Variants in BLNK observed in about 807,000 individuals in gnomAD.
BLNK encodes the protein B cell linker.
In BLNK, 29 loss-of-function variants were observed where a neutral mutation model predicts 73.5. The ratio of observed to expected loss-of-function variants is 0.39; its 90% CI spans 0.29 to 0.54. BLNK has a LOEUF of 0.54. Ranked by LOEUF, BLNK falls within the 20% of genes least tolerant of loss-of-function variation. The pLI is 0.61. For missense variants in BLNK, 460 were observed against 562.8 expected (o/e 0.82, Z 1.85); for synonymous variants, 176 against 200.8 (o/e 0.88, Z 1.04).
At chr10:96,245,075 C>T (rs1591352258) in intron 2 of BLNK, among the ~76,000 whole-genome samples, 1 of 151,988 alleles carries the variant, frequency 6.6e-6, no homozygotes, top group Admixed American at 6.6e-5. Context: ...ACCTCTCCCA[C>T]TCATCAGACA....
chr10:96,208,449 C>G (rs969185565), intron 9 of BLNK, among the ~76,000 whole-genome samples: 1 of 152,078 alleles, frequency 6.6e-6, no homozygotes, highest in African/African-American at 2.4e-5. Context: ...CAGAGAGATC[C>G]GAAACCAAAA....
At chr10:96,235,951 C>G (rs1842673874) in intron 3 of BLNK, among the ~76,000 whole-genome samples, 1 of 151,870 alleles carries the variant, frequency 6.6e-6, no homozygotes, top group African/African-American at 2.4e-5. Flanking sequence ...GCTCCAGTGA[C>G]AAGCTGAGAT....
rs587635658 is a variant in BLNK, at chr10:96,191,020, C to A, written c.*953G>T. On this transcript the variant is annotated 3_prime_UTR_variant, in exon 17 of 17. Transcript: ENST00000224337. ...TAATCCCCACGTGCCATGGGAGGGA[C>A]CTGGTGGGAGGTAACTGAATCACGC... Among the ~76,000 whole-genome samples the A allele has an allele frequency of 4.4e-4, 67 of 152,196 alleles. No individual in the cohort carries two copies. Among genetic ancestry groups the A allele is most frequent in the Admixed American group, 1.5e-3 (23 of 15,280 alleles).
At position 96,204,256 on chromosome 10, in the gene BLNK, G is replaced by A. The variant is rs1591303433; in HGVS notation, c.903-168C>T. On this transcript the variant is annotated intron_variant, in intron 12 of 16. Transcript: ENST00000224337. ...AGAGCCACCAAAACCTTAAAGATAA[G>A]TAAGACTCTTCCTTTTAGTTTTGAA... 7 of 796,480 alleles carry A rather than the reference G, an allele frequency of 8.8e-6. No homozygotes were observed. The East Asian group carries it at 1.7e-4, about 20-fold the overall frequency. The allele number at this position is 796,480 out of a possible 1,614,324, so 49.3% of individuals were successfully genotyped here.
intron 1 of BLNK, among the ~76,000 whole-genome samples, chr10:96,256,992 C>T (rs1245835028): frequency 3.3e-5 from 5 of 151,896 alleles, no homozygotes; most frequent in African/African-American, 7.3e-5. Flanking sequence ...CTTTCTCTCT[C>T]TCTTTGACTC....
At chr10:96,230,462 G>T (rs990442636) in intron 4 of BLNK, among the ~76,000 whole-genome samples, 6 of 152,164 alleles carry the variant, frequency 3.9e-5, no homozygotes, top group Non-Finnish European at 8.8e-5. Flanking sequence ...TAGGGCAGAG[G>T]CATTTGCTAA....
intron 4 of BLNK, among the ~76,000 whole-genome samples, chr10:96,230,157 C>G (rs1224375846): frequency 1.3e-5 from 2 of 152,168 alleles, no homozygotes; most frequent in Non-Finnish European, 2.9e-5. Context: ...CATTTCAGAG[C>G]TACCTCAAAG....
At chr10:96,233,797 A>C (rs973339456) in intron 3 of BLNK, among the ~76,000 whole-genome samples, 1 of 152,192 alleles carries the variant, frequency 6.6e-6, no homozygotes, top group Non-Finnish European at 1.5e-5. Context: ...CTCTGTACTG[A>C]AAATAAGGCC....
At chr10:96,265,019 T>C (rs991964883) in intron 1 of BLNK, among the ~76,000 whole-genome samples, 20 of 152,108 alleles carry the variant, frequency 1.3e-4, no homozygotes, top group Non-Finnish European at 2.4e-4. Flanking sequence ...TGGAGTGCAG[T>C]GGCATGATCT....
intron 5 of BLNK, among the ~76,000 whole-genome samples, chr10:96,225,937 G>A (rs1225920417): frequency 6.6e-6 from 1 of 152,164 alleles, no homozygotes; most frequent in Non-Finnish European, 1.5e-5. Flanking sequence ...GAGCCACCGC[G>A]CTTGGCCAAG....
chr10:96,214,123 A>T (rs1564823339), intron 8 of BLNK, among the ~76,000 whole-genome samples: 1 of 152,014 alleles, frequency 6.6e-6, no homozygotes, highest in East Asian at 1.9e-4. Flanking sequence ...GAGAGAAGAG[A>T]GTGTGTGTGT....
chr10:96,239,393 A>T (rs1425521489), intron 3 of BLNK, among the ~76,000 whole-genome samples: 3 of 152,248 alleles, frequency 2.0e-5, no homozygotes, highest in Non-Finnish European at 4.4e-5. Flanking sequence ...GCCCAAGATT[A>T]CACAGCCAGT....
intron 1 of BLNK, among the ~76,000 whole-genome samples, chr10:96,266,828 G>A (rs114407063): frequency 3.9e-5 from 6 of 152,206 alleles, no homozygotes; most frequent in African/African-American, 1.2e-4. Flanking sequence ...ATGCCACTCA[G>A]CTTGGGTGGT....
intron 2 of BLNK, among the ~76,000 whole-genome samples, chr10:96,243,172 A>T (rs1842932879): frequency 6.6e-6 from 1 of 152,030 alleles, no homozygotes; most frequent in Admixed American, 6.5e-5. Flanking sequence ...AATGACTTAC[A>T]AATGTTTAAC....
chr10:96,231,332 C>T (rs1201362238), intron 3 of BLNK, among the ~76,000 whole-genome samples: 1 of 152,188 alleles, frequency 6.6e-6, no homozygotes, highest in Admixed American at 6.5e-5. Context: ...CTAACTTTGA[C>T]TTTTCTTGTT....
chr10:96,248,105 A>ACT (rs1843125986), intron 1 of BLNK, among the ~76,000 whole-genome samples: 1 of 152,238 alleles, frequency 6.6e-6, no homozygotes, highest in Non-Finnish European at 1.5e-5. Flanking sequence ...TCCACTGGTA[A>ACT]GAATATGTAC....
chr10:96,230,913 C>T (rs1842477573), intron 3 of BLNK, 79 bp from the exon 4 acceptor site: 1 of 1,466,600 alleles, frequency 6.8e-7, no homozygotes, highest in Non-Finnish European at 9.4e-7. Context: ...ACACATTTCG[C>T]ACCTGCCTTC....
rs1208559606 is a variant in BLNK, at chr10:96,191,165, C to T, written c.*808G>A. On this transcript the variant is annotated 3_prime_UTR_variant, in exon 17 of 17. Coordinates refer to ENST00000224337, the MANE Select transcript of BLNK (RefSeq NM_013314.4). ...TGCCACCATGTAAAACATGCCTTTG[C>T]TTCTTCTTTGCCTTCTGCCATGATT... 6.6e-6 allele frequency among the ~76,000 whole-genome samples: 1 copy of T among 151,504 alleles called. No homozygotes were observed. The highest frequency in any genetic ancestry group is 2.4e-5 in the African/African-American group (1 of 41,246).
chr10:96,233,101 T>C (rs1842567775), intron 3 of BLNK, among the ~76,000 whole-genome samples: 1 of 152,192 alleles, frequency 6.6e-6, no homozygotes, highest in South Asian at 2.1e-4. Flanking sequence ...CCACTGCATC[T>C]GGTCAATGTG....
Sources: allele counts gnomAD v4.1 joint callset (sites outside exome capture counted in the v4.1 genomes callset), GRCh38; gene constraint gnomAD v4.1.1; transcripts MANE v1.5; gene names NCBI Gene and HGNC (gene_info 2026-07-23, HGNC 2026-07-21).